The following UGT1A3 variants were observed in gnomAD, a reference collection of about 807,000 sequenced individuals.
UGT1A3 encodes UDP glucuronosyltransferase family 1 member A3.
A neutral mutation model predicts 41.0 loss-of-function variants in UGT1A3; 31 were observed. That is an observed-to-expected ratio of 0.76 (90% CI 0.57 to 1.02). The LOEUF is 1.02. Among genes scored for constraint, UGT1A3 ranks in the 50% least tolerant of loss-of-function variants. UGT1A3 has a pLI of 0.00. For missense variants in UGT1A3, 737 were observed against 671.0 expected, an observed-to-expected ratio of 1.10 and a Z score of -1.09; for synonymous variants, 262 against 257.6, an observed-to-expected ratio of 1.02 and a Z score of -0.17.
chr2:233,729,067 A>G lies in UGT1A3; in HGVS notation c.-60A>G, dbSNP rs2077783738. On this transcript the variant is annotated 5_prime_UTR_variant, in exon 1 of 5. Coordinates refer to ENST00000482026, the MANE Select transcript of UGT1A3 (RefSeq NM_019093.4). The stretch of plus-strand genomic sequence containing the variant: ...AGTGACAAGGTAATTAAGATGAAGA[A>G]AGCAAATGTAGCAGGCACAGCGTGG... 6.2e-7 allele frequency: 1 copy of G among 1,611,370 alleles called. No individual in the cohort carries two copies. The highest frequency in any genetic ancestry group is 1.7e-5 in the Admixed American group (1 of 59,926).
intron 1 of UGT1A3, among the ~76,000 whole-genome samples, chr2:233,752,940 A>T (rs1005921462): frequency 6.6e-6 from 1 of 152,226 alleles, no homozygotes; most frequent in African/African-American, 2.4e-5. Flanking sequence ...CTCTTTGCTG[A>T]CCACTGAACA....
At chr2:233,754,867 T>C (rs1330580019) in intron 1 of UGT1A3, 1 of 1,351,780 alleles carries the variant, frequency 7.4e-7, no homozygotes, top group South Asian at 1.1e-5. Context: ...GCAGACCCTC[T>C]GCTTCTGCTT....
At chr2:233,762,598 T>C (rs903275038) in intron 1 of UGT1A3, among the ~76,000 whole-genome samples, 9 of 152,226 alleles carry the variant, frequency 5.9e-5, no homozygotes, top group Admixed American at 2.6e-4. Context: ...CAATTTGTAT[T>C]CCAGGAGTTT....
chr2:233,757,582 G>C (rs1357461838), intron 1 of UGT1A3, among the ~76,000 whole-genome samples: 2 of 95,184 alleles, frequency 2.1e-5, no homozygotes, highest in Non-Finnish European at 4.3e-5. Context: ...TATAGCTATA[G>C]TCTAATAGCA....
At chr2:233,770,680 G>T (rs940972002) in intron 4 of UGT1A3, 1 of 151,464 alleles carries the variant, frequency 6.6e-6, no homozygotes, top group African/African-American at 2.4e-5. Flanking sequence ...AAAAAAGAAG[G>T]TTCCAAGAAA....
intron 1 of UGT1A3, among the ~76,000 whole-genome samples, chr2:233,740,331 G>GA (rs1691368430): frequency 6.6e-6 from 1 of 151,940 alleles, no homozygotes; most frequent in African/African-American, 2.4e-5. Context: ...CATTTATTGA[G>GA]AAAGTTGATG....
intron 1 of UGT1A3, chr2:233,753,586 C>G (rs1242811464): frequency 6.6e-6 from 1 of 152,168 alleles, no homozygotes; most frequent in Admixed American, 6.5e-5. Context: ...GATGGACTAC[C>G]CCAAGGCAAT....
rs750401894 is a variant in UGT1A3, at chr2:233,768,320, T to G, written c.1188T>G (p.Gly396=). Residue 396 remains glycine, a synonymous_variant, in exon 4 of 5, where the codon GGT becomes GGG. Transcript: ENST00000482026. ...CCATGGTGATGATGCCCTTGTTTGG[T>G]GATCAGATGGACAATGCAAAGCGCA... ...GVPMVMMPLF[G]DQMDNAKRME... The G allele has an allele frequency of 2.5e-6, 4 of 1,614,162 alleles. No homozygotes were observed. The Admixed American group carries it at 6.7e-5, about 27-fold the overall frequency.
intron 1 of UGT1A3, among the ~76,000 whole-genome samples, chr2:233,731,986 G>A (rs184170345): frequency 7.2e-5 from 11 of 152,312 alleles, no homozygotes; most frequent in East Asian, 1.9e-4. Context: ...TCTAACTGGC[G>A]TGAGATGGTA....
At chr2:233,730,613 G>C (rs1454743444) in intron 1 of UGT1A3, among the ~76,000 whole-genome samples, 2 of 152,156 alleles carry the variant, frequency 1.3e-5, no homozygotes. Context: ...AGATTTTCTG[G>C]TCAGGATTTG....
chr2:233,742,496 A>G (rs376180640), intron 1 of UGT1A3, among the ~76,000 whole-genome samples: 4 of 151,946 alleles, frequency 2.6e-5, no homozygotes, highest in Admixed American at 1.3e-4. Context: ...CATAGGCATC[A>G]TGGCTATCAT....
At chr2:233,766,402 C>T (rs1334615620) in intron 1 of UGT1A3, among the ~76,000 whole-genome samples, 1 of 152,212 alleles carries the variant, frequency 6.6e-6, no homozygotes, top group African/African-American at 2.4e-5. Context: ...TTGCGTCCCT[C>T]CGCTGATGTG....
chr2:233,730,135 G>GA lies in UGT1A3; in HGVS notation c.867+143dup, dbSNP rs1299530262. ...TCTCCTTGTCATAATAGCCTTCAGT[G>GA]AGATAAACTGTTAAGGGGTCTCTAG... On this transcript the variant is annotated intron_variant, in intron 1 of 4. Coordinates refer to ENST00000482026, the MANE Select transcript of UGT1A3 (RefSeq NM_019093.4). 3.8e-5 allele frequency: 58 copies of GA among 1,528,822 alleles called. No homozygotes were observed. In the African/African-American group the frequency reaches 8.0e-4, roughly 21 times the overall value. 94.7% of individuals were successfully genotyped at this position (1,528,822 alleles called of 1,614,324 possible).
intron 1 of UGT1A3, among the ~76,000 whole-genome samples, chr2:233,757,568 A>ATATATATATATATATATATC (rs1696661304): frequency 7.0e-6 from 1 of 142,136 alleles, no homozygotes; most frequent in Non-Finnish European, 1.5e-5. Flanking sequence ...ATATGTATAT[A>ATATATATATATATATATATC]TGATATAGCT....
chr2:233,766,982 T>C (rs1699301954), intron 1 of UGT1A3, 52 bp from the exon 2 acceptor site: 9 of 1,612,798 alleles, frequency 5.6e-6, no homozygotes, highest in Non-Finnish European at 7.6e-6. Context: ...CTGTATGTAG[T>C]CATCAAAGAA....
In UGT1A3 at chr2:233,739,254, G is replaced by T. The variant is rs1485037127; in HGVS notation, c.867+9261G>T. Among the ~76,000 whole-genome samples, 4 of 152,216 alleles carry T rather than the reference G, an allele frequency of 2.6e-5. No homozygotes were observed. In the East Asian group the frequency reaches 7.7e-4, roughly 29 times the overall value. ...ACCTCTGCTAGAGAAGGGTGGTAAA[G>T]AAATGTGAGGTTGGAGCCCCCACAC... On this transcript the variant is annotated intron_variant, in intron 1 of 4. Transcript: ENST00000482026.
At chr2:233,770,330 A>G (rs757778787) in intron 4 of UGT1A3, 1 of 152,126 alleles carries the variant, frequency 6.6e-6, no homozygotes, top group East Asian at 1.9e-4. Flanking sequence ...ACCAGGCCAT[A>G]ATAGGTGCTC....
At chr2:233,751,260 C>A (rs1187773799) in intron 1 of UGT1A3, among the ~76,000 whole-genome samples, 1 of 151,902 alleles carries the variant, frequency 6.6e-6, no homozygotes, top group Non-Finnish European at 1.5e-5. Context: ...GGGCCTGTAG[C>A]CCCCTTTTTT....
intron 1 of UGT1A3, among the ~76,000 whole-genome samples, chr2:233,742,513 G>C (rs934347498): frequency 6.6e-6 from 1 of 151,822 alleles, no homozygotes; most frequent in Non-Finnish European, 1.5e-5. Context: ...TCATGAACAC[G>C]TCACAGTGCT....
Sources: allele counts gnomAD v4.1 joint callset (sites outside exome capture counted in the v4.1 genomes callset), GRCh38; gene constraint gnomAD v4.1.1; transcripts MANE v1.5; gene names NCBI Gene and HGNC (gene_info 2026-07-23, HGNC 2026-07-21).